GTF2A2: variants seen among roughly 807,000 people sequenced by gnomAD.
The protein encoded by GTF2A2 is general transcription factor IIA subunit 2.
A neutral mutation model predicts 14.3 loss-of-function variants in GTF2A2; 9 were observed. That is an observed-to-expected ratio of 0.63 (90% CI 0.38 to 1.10). The LOEUF is 1.10. Among genes scored for constraint, GTF2A2 ranks in the 50% least tolerant of loss-of-function variants. The pLI is 0.01. For missense variants in GTF2A2, 90 were observed against 124.6 expected (o/e 0.72, Z 1.32); for synonymous variants, 56 against 46.0 (o/e 1.22, Z -0.88).
chr15:59,641,032 A>AG (rs1480101874), intron 4 of GTF2A2, among the ~76,000 whole-genome samples: 4 of 152,194 alleles, frequency 2.6e-5, no homozygotes, highest in African/African-American at 9.6e-5. Flanking sequence ...TTCTTTAAAA[A>AG]GGGCTTAAGG....
At chr15:59,642,359 T>A in intron 3 of GTF2A2, 97 bp from the exon 4 acceptor site, 1 of 1,040,806 alleles carries the variant, frequency 9.6e-7, no homozygotes, top group Non-Finnish European at 1.4e-6. Context: ...AAGAACATAA[T>A]AAGTTTAATG....
At chr15:59,639,365 G>T (rs1324502852) in intron 4 of GTF2A2, among the ~76,000 whole-genome samples, 3 of 151,806 alleles carry the variant, frequency 2.0e-5, no homozygotes, top group African/African-American at 4.8e-5. Context: ...AAGATGCTTA[G>T]CTCCTCATAT....
rs1381303869 is a variant in GTF2A2, at chr15:59,650,629, C to A, written c.177+40G>T. 3 of 1,119,324 alleles carry A rather than the reference C, an allele frequency of 2.7e-6. No individual in the cohort carries two copies. The Admixed American group carries it at 5.5e-5, about 21-fold the overall frequency. The allele number at this position is 1,119,324 out of a possible 1,614,324, so 69.3% of individuals were successfully genotyped here. A position where few individuals can be genotyped will look rare whatever the true frequency, so the allele number is the denominator to read the frequency against. ...TAAAAAAAAATCAGTGTTTTAACAA[C>A]CATTGGTACAGGCTTCTAGATTCAG... On this transcript the variant is annotated intron_variant, in intron 3 of 4. Coordinates refer to ENST00000396060, the MANE Select transcript of GTF2A2 (RefSeq NM_004492.3).
At chr15:59,648,580 A>AT (rs773379636) in intron 3 of GTF2A2, among the ~76,000 whole-genome samples, 8 of 152,020 alleles carry the variant, frequency 5.3e-5, no homozygotes, top group Non-Finnish European at 1.0e-4. Flanking sequence ...ACTTAAGAGG[A>AT]TTTTCTCCTA....
Position 59,639,105 on chromosome 15 carries a change from G to A in GTF2A2, c.*27C>T, listed in dbSNP as rs376167638. The A allele has an allele frequency of 3.1e-6, 4 of 1,276,526 alleles. No individual in the cohort carries two copies. The African/African-American group carries it at 5.9e-5, about 19-fold the overall frequency. 79.1% of individuals were successfully genotyped at this position (1,276,526 alleles called of 1,614,324 possible). A position where few individuals can be genotyped will look rare whatever the true frequency, so the allele number is the denominator to read the frequency against. The stretch of plus-strand genomic sequence containing the variant: ...TCAAAAGCAATGAATAACAGAAGAT[G>A]GTGTAAAAAAGTCATATTTTTTCTA... On this transcript the variant is annotated 3_prime_UTR_variant, in exon 5 of 5. Coordinates refer to ENST00000396060, the MANE Select transcript of GTF2A2 (RefSeq NM_004492.3).
intron 3 of GTF2A2, among the ~76,000 whole-genome samples, chr15:59,643,359 C>A (rs1431896079): frequency 6.6e-6 from 1 of 151,708 alleles, no homozygotes. Context: ...GGATTACAGG[C>A]ATGAATCACT....
chr15:59,646,433 A>G (rs1240692966), intron 3 of GTF2A2, among the ~76,000 whole-genome samples: 4 of 152,102 alleles, frequency 2.6e-5, no homozygotes, highest in South Asian at 2.1e-4. Context: ...TCCCAAAGTC[A>G]TATCATTCTT....
intron 3 of GTF2A2, among the ~76,000 whole-genome samples, chr15:59,645,983 G>A (rs903793794): frequency 2.7e-5 from 4 of 149,344 alleles, no homozygotes; most frequent in African/African-American, 2.5e-5. Context: ...ACAGTGAGGC[G>A]AGATCACACC....
rs1434678413 is a variant in GTF2A2 at position 59,648,392 on chromosome 15, ACTT to A, written c.177+2274_177+2276del. Among the ~76,000 whole-genome samples, 15 of 100,084 alleles carry A rather than the reference ACTT, an allele frequency of 1.5e-4. No individual in the cohort carries two copies. In the Admixed American group the frequency reaches 2.0e-3, roughly 13 times the overall value. 65.7% of individuals were successfully genotyped at this position (100,084 alleles called of 152,430 possible). On this transcript the variant is annotated intron_variant, in intron 3 of 4. Coordinates refer to ENST00000396060, the MANE Select transcript of GTF2A2 (RefSeq NM_004492.3). ...CACTGCATTCCAGCCTGGGTAACAG[ACTT>A]CGTCTCAAAAAAAAAAAAAAAAAAG...
At chr15:59,640,582 G>A (rs893537383) in intron 4 of GTF2A2, among the ~76,000 whole-genome samples, 1 of 152,190 alleles carries the variant, frequency 6.6e-6, no homozygotes, top group South Asian at 2.1e-4. Context: ...ACAGCCATGA[G>A]TGGCTATTGG....
intron 1 of GTF2A2, among the ~76,000 whole-genome samples, chr15:59,655,317 G>T (rs988548174): frequency 5.3e-5 from 8 of 152,162 alleles, no homozygotes; most frequent in Admixed American, 5.2e-4. Context: ...TGTATTCACT[G>T]TCTCCCAATT....
chr15:59,649,489 A>G (rs754305453), intron 3 of GTF2A2, among the ~76,000 whole-genome samples: 2 of 152,206 alleles, frequency 1.3e-5, no homozygotes, highest in Non-Finnish European at 2.9e-5. Context: ...TTCTTATTAG[A>G]GCAAAATTTA....
chr15:59,655,603 G>C (rs556070502), intron 1 of GTF2A2, among the ~76,000 whole-genome samples: 1 of 152,200 alleles, frequency 6.6e-6, no homozygotes, highest in South Asian at 2.1e-4. Flanking sequence ...ACAGGACACA[G>C]TCCTTAGGCC....
chr15:59,643,812 G>T (rs1891514346), intron 3 of GTF2A2, among the ~76,000 whole-genome samples: 1 of 151,150 alleles, frequency 6.6e-6, no homozygotes, highest in South Asian at 2.1e-4. Flanking sequence ...TGTCCAGGCT[G>T]GTCTCAAACT....
intron 3 of GTF2A2, among the ~76,000 whole-genome samples, chr15:59,647,291 G>C (rs1319240754): frequency 2.0e-5 from 3 of 152,008 alleles, no homozygotes; most frequent in Non-Finnish European, 4.4e-5. Flanking sequence ...TAGGGACAGG[G>C]TTTCACTATA....
intron 4 of GTF2A2, among the ~76,000 whole-genome samples, chr15:59,641,610 T>TAGTTTTTGAAACATTTAAGGACCTGAAGA (rs1891431230): frequency 6.6e-6 from 1 of 152,170 alleles, no homozygotes; most frequent in Non-Finnish European, 1.5e-5. Context: ...ATTAGGTGTA[T>TAGTTTTTGAAACATTTAAGGACCTGAAGA]AGTTTTTGAA....
chr15:59,652,401 C>A, intron 1 of GTF2A2, 75 bp from the exon 2 acceptor site: 1 of 592,884 alleles, frequency 1.7e-6, no homozygotes, highest in Non-Finnish European at 2.9e-6. Context: ...TATCATCTAC[C>A]TCAAATATTC....
chr15:59,652,184 G>A (rs559066872), intron 2 of GTF2A2, 22 bp downstream of exon 2: 1 of 1,359,800 alleles, frequency 7.4e-7, no homozygotes, highest in Non-Finnish European at 1.0e-6. Flanking sequence ...AAAAATGTTT[G>A]ATTTTTAATT....
At chr15:59,643,833 G>A (rs1472006867) in intron 3 of GTF2A2, among the ~76,000 whole-genome samples, 7 of 151,236 alleles carry the variant, frequency 4.6e-5, no homozygotes, top group Admixed American at 4.6e-4. Flanking sequence ...CCTGACCTCA[G>A]GTGATCTGCC....
Sources: allele counts gnomAD v4.1 joint callset (sites outside exome capture counted in the v4.1 genomes callset), GRCh38; gene constraint gnomAD v4.1.1; transcripts MANE v1.5; gene names NCBI Gene and HGNC (gene_info 2026-07-23, HGNC 2026-07-21).